The following TCF7L1 variants were observed in gnomAD, a reference collection of about 807,000 sequenced individuals.
TCF7L1 encodes the protein transcription factor 7 like 1.
Under a neutral mutation model 63.7 loss-of-function variants are expected in TCF7L1, and 18 were observed. The observed-to-expected ratio is 0.28, with a 90% CI of 0.20 to 0.42. The LOEUF is 0.42. Ranked by LOEUF, TCF7L1 falls within the 10% of genes least tolerant of loss-of-function variation. The pLI is 1.00. For synonymous variants in TCF7L1, 355 were observed against 340.9 expected, an observed-to-expected ratio of 1.04 and a Z score of -0.46; for missense variants, 654 against 779.3, an observed-to-expected ratio of 0.84 and a Z score of 1.91.
At chr2:85,183,935 C>G (rs968139548) in intron 3 of TCF7L1, among the ~76,000 whole-genome samples, 1 of 152,146 alleles carries the variant, frequency 6.6e-6, no homozygotes, top group Admixed American at 6.5e-5. Flanking sequence ...AGGCCTCTGC[C>G]TGGAGAAGAG....
intron 3 of TCF7L1, among the ~76,000 whole-genome samples, chr2:85,258,869 C>G (rs564753282): frequency 1.3e-5 from 2 of 152,318 alleles, no homozygotes; most frequent in East Asian, 3.9e-4. Flanking sequence ...AAAACAGTGT[C>G]GTAGGTCCTT....
At chr2:85,156,114 CT>C (rs1678138836) in intron 3 of TCF7L1, among the ~76,000 whole-genome samples, 1 of 152,252 alleles carries the variant, frequency 6.6e-6, no homozygotes, top group South Asian at 2.1e-4. Context: ...CCCTCCTCCA[CT>C]TTACCAGTCC....
intron 4 of TCF7L1, among the ~76,000 whole-genome samples, chr2:85,295,523 C>T (rs1431387411): frequency 6.6e-6 from 1 of 152,016 alleles, no homozygotes; most frequent in African/African-American, 2.4e-5. Flanking sequence ...TATTTTAACT[C>T]CCAGAAAAGT....
At chr2:85,300,469 A>G (rs934607940) in intron 4 of TCF7L1, among the ~76,000 whole-genome samples, 6 of 152,236 alleles carry the variant, frequency 3.9e-5, no homozygotes, top group South Asian at 2.1e-4. Context: ...TCATGATGCA[A>G]CATCCAGTGA....
intron 4 of TCF7L1, 64 bp downstream of exon 4, chr2:85,283,642 C>T: frequency 6.5e-7 from 1 of 1,548,042 alleles, no homozygotes. Flanking sequence ...CATGCCACTG[C>T]CTTCTGCCAT....
intron 4 of TCF7L1, among the ~76,000 whole-genome samples, chr2:85,296,233 C>T (rs1325125187): frequency 6.6e-6 from 1 of 152,174 alleles, no homozygotes; most frequent in Non-Finnish European, 1.5e-5. Context: ...CTCTTTAGTT[C>T]CCTCGAATCC....
chr2:85,204,677 G>C (rs1277485944), intron 3 of TCF7L1, among the ~76,000 whole-genome samples: 3 of 152,144 alleles, frequency 2.0e-5, no homozygotes, highest in Non-Finnish European at 4.4e-5. Flanking sequence ...ACCACGCCCA[G>C]CTAGCATTTT....
intron 3 of TCF7L1, among the ~76,000 whole-genome samples, chr2:85,188,947 G>A (rs1310633266): frequency 6.6e-6 from 1 of 152,092 alleles, no homozygotes; most frequent in Non-Finnish European, 1.5e-5. Context: ...TTATAGTATT[G>A]CATTATGAGG....
intron 3 of TCF7L1, among the ~76,000 whole-genome samples, chr2:85,193,357 T>C (rs1679081043): frequency 6.6e-6 from 1 of 152,118 alleles, no homozygotes; most frequent in South Asian, 2.1e-4. Context: ...GGGATACTGA[T>C]CATGCATTTT....
rs575919056 is a variant in TCF7L1, at chr2:85,310,326, A to C, written c.*864A>C. ...TTTTTGTTTTTATGGTTTTTGGAGCAATTTAAACTCCCAGTTGTTTATTTT... is the reference window on the plus strand; with the variant it reads ...TTTTTGTTTTTATGGTTTTTGGAGCCATTTAAACTCCCAGTTGTTTATTTT... On this transcript the variant is annotated 3_prime_UTR_variant, in exon 12 of 12. Transcript: ENST00000282111. 1.3e-5 allele frequency: 2 copies of C among 152,572 alleles called. No individual in the cohort carries two copies. The highest frequency in any genetic ancestry group is 2.9e-5 in the Non-Finnish European group (2 of 68,040). The allele number at this position is 152,572 out of a possible 1,614,324, so 9.5% of individuals were successfully genotyped here. A position where few individuals can be genotyped will look rare whatever the true frequency, so the allele number is the denominator to read the frequency against.
chr2:85,229,351 A>G (rs963082273), intron 3 of TCF7L1, among the ~76,000 whole-genome samples: 5 of 152,202 alleles, frequency 3.3e-5, no homozygotes, highest in African/African-American at 1.2e-4. Context: ...GTCTCAAAAA[A>G]AGAAAAGGAA....
intron 3 of TCF7L1, among the ~76,000 whole-genome samples, chr2:85,206,301 G>A (rs1172915848): frequency 2.6e-5 from 4 of 152,198 alleles, no homozygotes; most frequent in Non-Finnish European, 5.9e-5. Flanking sequence ...GACCAGAGAC[G>A]CTCTGCAGTC....
At position 85,305,330 on chromosome 2, in the gene TCF7L1, C is replaced by T; in HGVS notation, c.916C>T (p.Pro306Ser). The change falls in exon 8 of 12, where the codon CCC becomes TCC. Residue 306 changes from proline to serine, a missense_variant. Pro to Ser is a moderately conservative substitution (Grantham distance 74). Transcript: ENST00000282111. ...CCCTGGCCTGCCCACCTCAGGGATC[C>T]CCCACCCTGCCATCGTCTCCCCCAT... The part of the protein sequence containing the change: ...AHPGLPTSGI[P>S]HPAIVSPIVK... The T allele has an allele frequency of 6.2e-7, 1 of 1,613,886 alleles. No homozygotes were observed. The highest frequency in any genetic ancestry group is 8.5e-7 in the Non-Finnish European group (1 of 1,179,924).
chr2:85,282,602 C>A (rs755077654), intron 3 of TCF7L1, among the ~76,000 whole-genome samples: 48 of 152,288 alleles, frequency 3.2e-4, no homozygotes, highest in Admixed American at 1.5e-3. Context: ...GATGCTGAAA[C>A]TGGGACTCAG....
intron 4 of TCF7L1, among the ~76,000 whole-genome samples, chr2:85,299,222 C>T (rs553422380): frequency 6.6e-6 from 1 of 152,074 alleles, no homozygotes; most frequent in Admixed American, 6.5e-5. Flanking sequence ...GTTTTTAAGA[C>T]AGCTATAAAT....
In TCF7L1 at chr2:85,234,490, T is replaced by C. The variant is rs541767213; in HGVS notation, c.442-49005T>C. On this transcript the variant is annotated intron_variant, in intron 3 of 11. Transcript: ENST00000282111. ...TTTGGTAGAAACTCTGCCTGGTAAG[T>C]TACAGATGGTACTGCATCTTTTGAA... Among the ~76,000 whole-genome samples, 3 of 152,274 alleles carry C rather than the reference T, an allele frequency of 2.0e-5. No individual in the cohort carries two copies. The East Asian group carries it at 5.8e-4, about 29-fold the overall frequency.
At position 85,133,702 on chromosome 2, in the gene TCF7L1, C is replaced by CG; in HGVS notation, c.23dup (p.Gly9ArgfsTer47). 1 of 1,024,592 alleles carries CG rather than the reference C, an allele frequency of 9.8e-7. No individual in the cohort carries two copies. Among genetic ancestry groups the CG allele is most frequent in the Non-Finnish European group, 1.2e-6 (1 of 863,644 alleles). 63.5% of individuals were successfully genotyped at this position (1,024,592 alleles called of 1,614,324 possible). A position where few individuals can be genotyped will look rare whatever the true frequency, so the allele number is the denominator to read the frequency against. On this transcript the variant is annotated frameshift_variant, in exon 1 of 12. Coordinates refer to ENST00000282111, the MANE Select transcript of TCF7L1 (RefSeq NM_031283.3). LOFTEE classifies it high-confidence loss of function. The surrounding 1 kb of genome is among the most constrained non-coding windows in gnomAD (Gnocchi z 4.4). ...GCCCCACCATGCCCCAGCTCGGCGG[C>CG]GGGGGCGGCGGCGGCGGCGGCGGCA... is the stretch of plus-strand genomic sequence containing the variant.
intron 3 of TCF7L1, among the ~76,000 whole-genome samples, chr2:85,249,225 C>T (rs1680537184): frequency 6.6e-6 from 1 of 152,162 alleles, no homozygotes; most frequent in Non-Finnish European, 1.5e-5. Flanking sequence ...CATCTGGGAA[C>T]CCAGCAGGAG....
At chr2:85,283,600 GCACC>G (rs1558655880) in intron 4 of TCF7L1, 22 bp downstream of exon 4, 1 of 1,613,492 alleles carries the variant, frequency 6.2e-7, no homozygotes, top group Admixed American at 1.7e-5. Flanking sequence ...TCACCTTAAA[GCACC>G]AAAGGGCCAC....
Sources: allele counts gnomAD v4.1 joint callset (sites outside exome capture counted in the v4.1 genomes callset), GRCh38; gene constraint gnomAD v4.1.1; non-coding constraint Gnocchi (gnomAD v3.1); transcripts MANE v1.5; gene names NCBI Gene and HGNC (gene_info 2026-07-23, HGNC 2026-07-21).